Variants in CNEP1R1 observed in about 807,000 individuals in gnomAD.
CNEP1R1 encodes CTD nuclear envelope phosphatase 1 regulatory subunit 1, also known as nuclear envelope phosphatase-regulatory subunit 1.
In CNEP1R1, 10 loss-of-function variants were observed where a neutral mutation model predicts 22.7. The observed-to-expected ratio is 0.44, with a 90% CI of 0.27 to 0.75. The LOEUF (loss-of-function observed/expected upper bound fraction) is 0.75. Among genes scored for constraint, CNEP1R1 ranks in the 30% least tolerant of loss-of-function variants. CNEP1R1 has a pLI of 0.17. For missense variants in CNEP1R1, 73 were observed against 151.5 expected (o/e 0.48, Z 2.72); for synonymous variants, 53 against 50.1 (o/e 1.06, Z -0.25).
rs1470067343 is a variant in CNEP1R1, at chr16:50,034,297, A to AGGTACTT, written c.336+142_336+148dup. Reference sequence around the variant, plus strand: ...GAATATACTTAGAGCATTGATTCTAAGGTACTTTTACATTTAACATCTTTG... The same window carrying AGGTACTT: ...GAATATACTTAGAGCATTGATTCTAAGGTACTTGGTACTTTTACATTTAACATCTTTG... On this transcript the variant is annotated intron_variant, in intron 5 of 5. Transcript: ENST00000427478. 3 of 614,782 alleles carry AGGTACTT rather than the reference A, an allele frequency of 4.9e-6. No individual in the cohort carries two copies. In the African/African-American group the frequency reaches 5.6e-5, roughly 11 times the overall value. The allele number at this position is 614,782 out of a possible 1,614,324, so 38.1% of individuals were successfully genotyped here. A position where few individuals can be genotyped will look rare whatever the true frequency, so the allele number is the denominator to read the frequency against.
At chr16:50,025,430 G>A in intron 1 of CNEP1R1, 90 bp downstream of exon 1, 1 of 1,316,696 alleles carries the variant, frequency 7.6e-7, no homozygotes, top group Non-Finnish European at 1.0e-6. Context: ...CCCCCGCCCC[G>A]GGAGGAGGCC....
At chr16:50,034,362 T>C in intron 5 of CNEP1R1, 1 of 532,712 alleles carries the variant, frequency 1.9e-6, no homozygotes, top group Non-Finnish European at 3.4e-6. Context: ...ATCTGACAAA[T>C]TGGGAGAGTT....
intron 3 of CNEP1R1, among the ~76,000 whole-genome samples, chr16:50,032,081 C>T (rs1276693406): frequency 6.6e-6 from 1 of 152,188 alleles, no homozygotes; most frequent in East Asian, 1.9e-4. Context: ...ATTTCTTCAT[C>T]TGACAAACTT....
rs1252149353 is a variant in CNEP1R1, at chr16:50,025,945, C to T, written c.26-451C>T. Among the ~76,000 whole-genome samples the T allele has an allele frequency of 2.0e-5, 3 of 152,334 alleles. No individual in the cohort carries two copies. In the East Asian group the frequency reaches 5.8e-4, roughly 29 times the overall value. Reference sequence around the variant, plus strand: ...CGTAGCCATTAATTAAATATAAGAGCTGGAAACCGGAGGCGGGTAATTGCA... The same window carrying T: ...CGTAGCCATTAATTAAATATAAGAGTTGGAAACCGGAGGCGGGTAATTGCA... On this transcript the variant is annotated intron_variant, in intron 1 of 5. Coordinates refer to ENST00000427478, the MANE Select transcript of CNEP1R1 (RefSeq NM_001281789.2).
rs748163459 is a variant in CNEP1R1, at chr16:50,033,863, C to CA, written c.282-225dup. The stretch of plus-strand genomic sequence containing the variant: ...TGGGCGACAGAGCAAGACTGCGTCT[C>CA]AAAAAAAAAAAAAAGAGTACGCTTT... On this transcript the variant is annotated intron_variant, in intron 4 of 5. Coordinates refer to ENST00000427478, the MANE Select transcript of CNEP1R1 (RefSeq NM_001281789.2). 2.7e-3 allele frequency among the ~76,000 whole-genome samples: 269 copies of CA among 101,202 alleles called. 1 individual carries two copies. Among genetic ancestry groups the CA allele is most frequent in the Middle Eastern group, 9.5e-3 (2 of 210 alleles). 66.4% of individuals were successfully genotyped at this position (101,202 alleles called of 152,430 possible). A position where few individuals can be genotyped will look rare whatever the true frequency, so the allele number is the denominator to read the frequency against.
chr16:50,029,235 G>A (rs1405294223), intron 2 of CNEP1R1, among the ~76,000 whole-genome samples: 2 of 152,066 alleles, frequency 1.3e-5, no homozygotes, highest in African/African-American at 2.4e-5. Context: ...ATACTAACTG[G>A]TGTGCTCCAT....
intron 2 of CNEP1R1, among the ~76,000 whole-genome samples, chr16:50,029,255 A>G (rs1385711399): frequency 6.6e-6 from 1 of 152,234 alleles, no homozygotes; most frequent in African/African-American, 2.4e-5. Flanking sequence ...TACTTCCTGC[A>G]CTGACTTTAA....
At chr16:50,034,251 T>C (rs2036257298) in intron 5 of CNEP1R1, 95 bp downstream of exon 5, 1 of 757,150 alleles carries the variant, frequency 1.3e-6, no homozygotes, top group Non-Finnish European at 2.3e-6. Context: ...CAATAAATTT[T>C]CTCTGTGGAA....
chr16:50,028,228 T>G (rs1286242647), intron 2 of CNEP1R1, among the ~76,000 whole-genome samples: 2 of 152,216 alleles, frequency 1.3e-5, no homozygotes, highest in Admixed American at 1.3e-4. Flanking sequence ...CCCAAAGTGC[T>G]AGGATTACAG....
At chr16:50,026,345 C>A in intron 1 of CNEP1R1, 51 bp from the exon 2 acceptor site, 1 of 1,295,204 alleles carries the variant, frequency 7.7e-7, no homozygotes, top group Non-Finnish European at 1.1e-6. Context: ...TCTGACATTT[C>A]GTCAGACGAG....
chr16:50,031,304 T>C (rs2036229419), intron 3 of CNEP1R1, among the ~76,000 whole-genome samples: 2 of 152,222 alleles, frequency 1.3e-5, no homozygotes, highest in African/African-American at 4.8e-5. Context: ...CTTTATCTGC[T>C]GAGGTGGAGA....
chr16:50,033,959 G>C (rs897343575), intron 4 of CNEP1R1, 143 bp from the exon 5 acceptor site: 1 of 600,668 alleles, frequency 1.7e-6, no homozygotes, highest in Non-Finnish European at 3.0e-6. Context: ...TCTCGGATTA[G>C]CCAGGATGGT....
chr16:50,035,402 T>C lies in CNEP1R1; in HGVS notation c.337-15T>C, dbSNP rs2036267019. The C allele has an allele frequency of 2.6e-6, 4 of 1,514,026 alleles. No individual in the cohort carries two copies. The highest frequency in any genetic ancestry group is 1.4e-5 in the African/African-American group (1 of 73,448). The allele number at this position is 1,514,026 out of a possible 1,614,324, so 93.8% of individuals were successfully genotyped here. ...AACTGTGTATTGAAAAAATTCTGTC[T>C]TTTCATTTTTGCAGACAGGAAAACT... On this transcript the variant is annotated splice_polypyrimidine_tract_variant and intron_variant, in intron 5 of 5. Transcript: ENST00000427478.
intron 2 of CNEP1R1, among the ~76,000 whole-genome samples, chr16:50,028,809 A>G (rs558211618): frequency 3.3e-5 from 5 of 152,202 alleles, no homozygotes; most frequent in Non-Finnish European, 4.4e-5. Context: ...AATTGAGTTC[A>G]GTCTGTTCTG....
intron 3 of CNEP1R1, among the ~76,000 whole-genome samples, chr16:50,031,919 C>G (rs1478162805): frequency 1.3e-5 from 2 of 152,196 alleles, no homozygotes; most frequent in East Asian, 3.9e-4. Flanking sequence ...ACATAAAGCA[C>G]TGTATATGCT....
chr16:50,032,143 A>G (rs758051238), intron 3 of CNEP1R1, among the ~76,000 whole-genome samples: 2 of 152,184 alleles, frequency 1.3e-5, no homozygotes, highest in Non-Finnish European at 2.9e-5. Context: ...GTCTTGAAAC[A>G]CGTGCCTGCG....
At chr16:50,025,560 C>A in intron 1 of CNEP1R1, 3 of 1,326,438 alleles carry the variant, frequency 2.3e-6, no homozygotes, top group South Asian at 2.5e-5. Flanking sequence ...TCGACCTCCT[C>A]GCCAGCTTCT....
chr16:50,026,512 C>G (rs190443682), intron 2 of CNEP1R1, 45 bp downstream of exon 2: 2 of 1,332,730 alleles, frequency 1.5e-6, no homozygotes, highest in African/African-American at 1.4e-5. Flanking sequence ...ACAATTGATA[C>G]TTTTATCCTA....
intron 1 of CNEP1R1, chr16:50,025,916 A>G: frequency 1.8e-6 from 1 of 560,020 alleles, no homozygotes; most frequent in South Asian, 2.4e-5. Context: ...GTAAGGCCAG[A>G]CGGCGTAGCC....
Sources: gnomAD v4.1 joint callset for allele counts (sites outside exome capture counted in the v4.1 genomes callset) on GRCh38, gnomAD v4.1.1 for gene constraint, MANE v1.5 for transcripts, NCBI Gene and HGNC (gene_info 2026-07-23, HGNC 2026-07-21) for gene names.